MIER1: variants seen among roughly 807,000 people sequenced by gnomAD.
MIER1 encodes MIER1 transcriptional regulator, also known as mesoderm induction early response protein 1.
A neutral mutation model predicts 75.7 loss-of-function variants in MIER1; 40 were observed. That is an observed-to-expected ratio of 0.53 (90% CI 0.41 to 0.69). MIER1 has a LOEUF of 0.69. Among genes scored for constraint, MIER1 ranks in the 30% least tolerant of loss-of-function variants. MIER1 has a pLI of 0.00. For missense variants in MIER1, 574 were observed against 680.2 expected, an observed-to-expected ratio of 0.84 and a Z score of 1.74; for synonymous variants, 213 against 223.4, an observed-to-expected ratio of 0.95 and a Z score of 0.42.
intron 10 of MIER1, among the ~76,000 whole-genome samples, chr1:66,972,247 T>C (rs1558100190): frequency 1.1e-5 from 1 of 88,792 alleles, no homozygotes; most frequent in Non-Finnish European, 2.1e-5. Flanking sequence ...TATATATATA[T>C]ATATATATAT....
At chr1:66,980,388 T>C (rs1665645779) in intron 12 of MIER1, among the ~76,000 whole-genome samples, 1 of 152,244 alleles carries the variant, frequency 6.6e-6, no homozygotes, top group African/African-American at 2.4e-5. Flanking sequence ...CATGGTCATA[T>C]ACATTTCTGA....
At position 66,926,157 on chromosome 1, in the gene MIER1, G is replaced by C. The variant is rs746845950; in HGVS notation, c.83G>C (p.Arg28Pro). The C allele has an allele frequency of 6.2e-7, 1 of 1,613,768 alleles. No individual in the cohort carries two copies. The highest frequency in any genetic ancestry group is 8.5e-7 in the Non-Finnish European group (1 of 1,179,728). The change falls in exon 2 of 14, where the codon CGA (arginine) becomes CCA (proline). Residue 28 changes from arginine to proline, a missense_variant. By Grantham distance (103) the Arg-to-Pro change is moderately radical (BLOSUM62 -2). Around this residue, in one of 3 missense-constraint regions of MIER1, gnomAD observed 309 missense variants for 352.8 expected, o/e 0.88. Transcript: ENST00000401041. ...SSGSGYGVVA[R>P]FSQCLAEFRT... ...TTTGATCCAGATGGTGTGGTCGCTC[G>C]ATTCTCCCAGTGCCTGGCTGAGTTT...
chr1:66,934,301 G>C (rs745761362), intron 2 of MIER1, among the ~76,000 whole-genome samples: 1 of 152,042 alleles, frequency 6.6e-6, no homozygotes, highest in Non-Finnish European at 1.5e-5. Flanking sequence ...GAGAGTTTAC[G>C]TAGTTTGTCC....
In MIER1 at chr1:66,984,833, C is replaced by T. The variant is rs775525809; in HGVS notation, c.1631C>T (p.Ser544Phe). 1.9e-6 allele frequency: 3 copies of T among 1,610,006 alleles called. No individual in the cohort carries two copies. Among genetic ancestry groups the T allele is most frequent in the Admixed American group, 3.4e-5 (2 of 59,096 alleles). Residue 544 changes from serine (S) to phenylalanine (F), a missense_variant, in exon 14 of 14, where the codon TCT becomes TTT. Around this residue, in one of 3 missense-constraint regions of MIER1, gnomAD observed 164 missense variants for 154.3 expected, o/e 1.06. Transcript: ENST00000401041. Reference protein sequence around the residue: ...VNSNGKESPGSSEFFQEAVSH... With the variant: ...VNSNGKESPGFSEFFQEAVSH... Reference sequence around the variant, plus strand: ...AGCAATGGAAAAGAAAGTCCAGGTTCTTCTGAATTTTTCCAAGAAGCAGTC... The same window carrying T: ...AGCAATGGAAAAGAAAGTCCAGGTTTTTCTGAATTTTTCCAAGAAGCAGTC...
chr1:66,925,124 C>T (rs937453938), intron 1 of MIER1, 29 bp downstream of exon 1: 82 of 1,542,734 alleles, frequency 5.3e-5, no homozygotes, highest in Non-Finnish European at 3.1e-5. Flanking sequence ...AGCCATCTCT[C>T]CCCTTCTATT....
At position 66,984,726 on chromosome 1, in the gene MIER1, A is replaced by G. The variant is rs1167392589; in HGVS notation, c.1524A>G (p.Pro508=). 3 of 1,613,922 alleles carry G rather than the reference A, an allele frequency of 1.9e-6. No homozygotes were observed. The Admixed American group carries it at 5.0e-5, about 27-fold the overall frequency. ...AAACAGATAACCTTACCACTGACCC[A>G]AAACTTGCCCATATGACTGCAAGAA... is the stretch of plus-strand genomic sequence containing the variant. ...GYETDNLTTD[P]KLAHMTARNE... The change falls in exon 14 of 14, where the codon CCA becomes CCG. Residue 508 remains proline, a synonymous_variant. Transcript: ENST00000401041.
intron 2 of MIER1, among the ~76,000 whole-genome samples, chr1:66,932,289 C>G (rs1653613998): frequency 6.6e-6 from 1 of 152,116 alleles, no homozygotes; most frequent in Non-Finnish European, 1.5e-5. Flanking sequence ...ATGGATTGTT[C>G]AACTGCAAGA....
At chr1:66,948,015 T>A in intron 4 of MIER1, 3 of 982,698 alleles carry the variant, frequency 3.1e-6, no homozygotes, top group Non-Finnish European at 3.6e-6. Flanking sequence ...TTTTATTTTT[T>A]TTTAACCACT....
At chr1:66,931,720 G>A (rs1653422511) in intron 2 of MIER1, among the ~76,000 whole-genome samples, 1 of 152,134 alleles carries the variant, frequency 6.6e-6, no homozygotes, top group Admixed American at 6.5e-5. Context: ...TCCCCAAAAT[G>A]TGACTGCGTT....
chr1:66,970,631 T>A (rs1663404707), intron 8 of MIER1, among the ~76,000 whole-genome samples, 177 bp from the exon 9 acceptor site: 1 of 152,144 alleles, frequency 6.6e-6, no homozygotes, highest in Non-Finnish European at 1.5e-5. Flanking sequence ...TCTGTTTAAA[T>A]TGTTTAATTT....
At chr1:66,925,265 C>G in intron 1 of MIER1, 170 bp downstream of exon 1, 1 of 983,732 alleles carries the variant, frequency 1.0e-6, no homozygotes, top group South Asian at 4.7e-5. Context: ...GCCTGGCTTG[C>G]TCTCCGCCGG....
chr1:66,934,603 G>A (rs886347599), intron 2 of MIER1, among the ~76,000 whole-genome samples: 2 of 145,202 alleles, frequency 1.4e-5, no homozygotes, highest in Non-Finnish European at 1.5e-5. Flanking sequence ...ACAGGGTCTC[G>A]ATATGTTGAT....
Position 66,976,616 on chromosome 1 carries a change from G to A in MIER1, c.1123G>A (p.Glu375Lys). The A allele has an allele frequency of 1.3e-6, 2 of 1,599,080 alleles. No individual in the cohort carries two copies. The highest frequency in any genetic ancestry group is 1.7e-6 in the Non-Finnish European group (2 of 1,173,934). ...ACAGGTCCGAACAAGGTCAGTTGGTGAATGTGTAGCATTCTATTACATGTG... is the reference window on the plus strand; with the variant it reads ...ACAGGTCCGAACAAGGTCAGTTGGTAAATGTGTAGCATTCTATTACATGTG... Reference protein sequence around the residue: ...ANKVRTRSVGECVAFYYMWKK... With the variant: ...ANKVRTRSVGKCVAFYYMWKK... The change falls in exon 12 of 14, where the codon GAA becomes AAA. Residue 375 changes from glutamate to lysine, a missense_variant. Coordinates refer to ENST00000401041, the MANE Select transcript of MIER1 (RefSeq NM_001077700.3).
intron 12 of MIER1, among the ~76,000 whole-genome samples, chr1:66,979,098 T>G (rs1259556450): frequency 7.0e-6 from 1 of 143,342 alleles, no homozygotes; most frequent in Non-Finnish European, 1.5e-5. Flanking sequence ...CACTGGGTTG[T>G]TTTTTTTTTA....
intron 7 of MIER1, 57 bp downstream of exon 7, chr1:66,959,800 C>T (rs527745684): frequency 7.4e-6 from 6 of 815,498 alleles, no homozygotes; most frequent in African/African-American, 7.3e-5. Context: ...TTTAAAAAGC[C>T]TCGTGTAATT....
intron 1 of MIER1, 144 bp downstream of exon 1, chr1:66,925,239 G>A (rs537543723): frequency 2.2e-6 from 3 of 1,355,804 alleles, no homozygotes; most frequent in East Asian, 3.0e-5. Context: ...TCCGGGGAGG[G>A]GCTGCCGCAG....
At chr1:66,928,418 A>G (rs566556950) in intron 2 of MIER1, among the ~76,000 whole-genome samples, 2 of 152,142 alleles carry the variant, frequency 1.3e-5, no homozygotes, top group Non-Finnish European at 2.9e-5. Flanking sequence ...TGTACCTTGT[A>G]TTGTAACACT....
chr1:66,953,952 G>A (rs1033025927), intron 4 of MIER1, among the ~76,000 whole-genome samples: 15 of 151,868 alleles, frequency 9.9e-5, no homozygotes, highest in African/African-American at 3.6e-4. Context: ...TTTTTTCCAT[G>A]TGATAAAGCC....
At chr1:66,926,513 T>C (rs1007355593) in intron 2 of MIER1, among the ~76,000 whole-genome samples, 1 of 152,174 alleles carries the variant, frequency 6.6e-6, no homozygotes, top group African/African-American at 2.4e-5. Context: ...CAAAAGCCTA[T>C]ATAAGTGTTT....
Sources: allele counts gnomAD v4.1 joint callset (sites outside exome capture counted in the v4.1 genomes callset), GRCh38; gene constraint gnomAD v4.1.1; regional missense constraint gnomAD v4.1.1; transcripts MANE v1.5; gene names NCBI Gene and HGNC (gene_info 2026-07-23, HGNC 2026-07-21).